Variants in BRINP2 observed in about 807,000 individuals in gnomAD.
The protein encoded by BRINP2 is BMP/retinoic acid inducible neural specific 2, also known as BMP/retinoic acid-inducible neural-specific protein 2.
A neutral mutation model predicts 69.2 loss-of-function variants in BRINP2; 21 were observed. The ratio of observed to expected loss-of-function variants is 0.30; its 90% CI spans 0.22 to 0.44. BRINP2 has a LOEUF of 0.44. BRINP2 is among the 20% of genes least tolerant of loss of function. The pLI is 1.00. For missense variants in BRINP2, 877 were observed against 986.0 expected, an observed-to-expected ratio of 0.89 and a Z score of 1.48; for synonymous variants, 380 against 394.1, an observed-to-expected ratio of 0.96 and a Z score of 0.42.
chr1:177,181,197 C>T (rs758708677), intron 1 of BRINP2, among the ~76,000 whole-genome samples: 4 of 152,230 alleles, frequency 2.6e-5, no homozygotes, highest in Non-Finnish European at 4.4e-5. Context: ...AGAATTTTGC[C>T]ATTAACTCCT....
chr1:177,270,374 C>T (rs187854463), intron 4 of BRINP2, among the ~76,000 whole-genome samples: 81 of 152,268 alleles, frequency 5.3e-4, no homozygotes, highest in African/African-American at 1.9e-3. Flanking sequence ...AGTGAAGTTA[C>T]TCACACCCTT....
At chr1:177,215,449 A>G (rs1649348112) in intron 1 of BRINP2, among the ~76,000 whole-genome samples, 1 of 152,184 alleles carries the variant, frequency 6.6e-6, no homozygotes, top group African/African-American at 2.4e-5. Flanking sequence ...ATTTTTTTAT[A>G]GCCATTGTAA....
intron 1 of BRINP2, among the ~76,000 whole-genome samples, chr1:177,187,424 A>G (rs1285457868): frequency 6.6e-6 from 1 of 152,158 alleles, no homozygotes; most frequent in Non-Finnish European, 1.5e-5. Flanking sequence ...AGAAGAGCAC[A>G]AGTTTTTTTC....
At chr1:177,174,830 G>C (rs1413308325) in intron 1 of BRINP2, among the ~76,000 whole-genome samples, 1 of 152,118 alleles carries the variant, frequency 6.6e-6, no homozygotes, top group Non-Finnish European at 1.5e-5. Context: ...ACCTAGGCAG[G>C]GGGCTCTGTA....
intron 1 of BRINP2, among the ~76,000 whole-genome samples, chr1:177,229,037 T>C (rs1399681283): frequency 1.3e-5 from 2 of 152,172 alleles, no homozygotes; most frequent in Non-Finnish European, 2.9e-5. Context: ...CTCGTGGTGC[T>C]CTCAAGCTGC....
intron 1 of BRINP2, among the ~76,000 whole-genome samples, chr1:177,174,769 C>A (rs1038525143): frequency 1.3e-5 from 2 of 152,200 alleles, no homozygotes; most frequent in Admixed American, 1.3e-4. Context: ...ATACCATACA[C>A]CTGGTTAAAT....
At chr1:177,175,850 T>C (rs866601036) in intron 1 of BRINP2, among the ~76,000 whole-genome samples, 56 of 152,330 alleles carry the variant, frequency 3.7e-4, no homozygotes, top group African/African-American at 1.2e-3. Context: ...ATGACTCCTT[T>C]TCTCTTTACT....
At chr1:177,247,712 A>C (rs1317783450) in intron 2 of BRINP2, among the ~76,000 whole-genome samples, 1 of 152,064 alleles carries the variant, frequency 6.6e-6, no homozygotes, top group Non-Finnish European at 1.5e-5. Flanking sequence ...CTGACAGCCC[A>C]CTCCTTCTGT....
At chr1:177,265,565 G>A (rs972454242) in intron 4 of BRINP2, among the ~76,000 whole-genome samples, 1 of 152,052 alleles carries the variant, frequency 6.6e-6, no homozygotes, top group Non-Finnish European at 1.5e-5. Flanking sequence ...ATATCATATT[G>A]TATCATATTG....
chr1:177,276,527 C>A, intron 6 of BRINP2, 93 bp downstream of exon 6: 1 of 1,163,632 alleles, frequency 8.6e-7, no homozygotes, highest in Non-Finnish European at 1.3e-6. Flanking sequence ...GTTGAGGATC[C>A]TCATGGGGAT....
Position 177,264,867 on chromosome 1 carries a change from T to C in BRINP2, c.669+7483T>C, listed in dbSNP as rs200342740. Among the ~76,000 whole-genome samples the C allele has an allele frequency of 1.3e-4, 20 of 152,270 alleles. No individual in the cohort carries two copies. In the East Asian group the frequency reaches 3.9e-3, roughly 29 times the overall value. On this transcript the variant is annotated intron_variant, in intron 4 of 7. Coordinates refer to ENST00000361539, the MANE Select transcript of BRINP2 (RefSeq NM_021165.4). The stretch of plus-strand genomic sequence containing the variant: ...ATAGGAAGAATCAATATCATGAAAA[T>C]GGTCATACTGCCCAAAGTAATTTAT...
intron 1 of BRINP2, among the ~76,000 whole-genome samples, chr1:177,211,736 C>T (rs1459649718): frequency 6.6e-6 from 1 of 152,146 alleles, no homozygotes; most frequent in Non-Finnish European, 1.5e-5. Flanking sequence ...TAACTGACCA[C>T]TTGAGTAAGA....
At chr1:177,195,006 T>C (rs879330734) in intron 1 of BRINP2, among the ~76,000 whole-genome samples, 35 of 152,138 alleles carry the variant, frequency 2.3e-4, no homozygotes, top group Admixed American at 8.5e-4. Flanking sequence ...GATCATCTAT[T>C]GTATGGCCAG....
At position 177,263,131 on chromosome 1, in the gene BRINP2, GC is replaced by G. The variant is rs1651010481; in HGVS notation, c.669+5748del. ...GGAATGAAAAGAAGCCTTTGAGGAT[GC>G]TAGAAAGTGAAAAGTTGGTCAGGTA... is the stretch of plus-strand genomic sequence containing the variant. On this transcript the variant is annotated intron_variant, in intron 4 of 7. Coordinates refer to ENST00000361539, the MANE Select transcript of BRINP2 (RefSeq NM_021165.4). 2.0e-5 allele frequency among the ~76,000 whole-genome samples: 3 copies of G among 152,328 alleles called. No individual in the cohort carries two copies. The South Asian group carries it at 6.2e-4, about 32-fold the overall frequency.
At chr1:177,245,669 G>A (rs1650355247) in intron 2 of BRINP2, among the ~76,000 whole-genome samples, 1 of 152,178 alleles carries the variant, frequency 6.6e-6, no homozygotes, top group South Asian at 2.1e-4. Context: ...CTGACAGTTT[G>A]TGCCTGGGAA....
intron 2 of BRINP2, among the ~76,000 whole-genome samples, chr1:177,250,931 A>G (rs1266317590): frequency 6.6e-6 from 1 of 152,264 alleles, no homozygotes; most frequent in Non-Finnish European, 1.5e-5. Context: ...GAAGATAATT[A>G]TATTTTCCCC....
At chr1:177,214,877 C>T (rs1000295368) in intron 1 of BRINP2, among the ~76,000 whole-genome samples, 4 of 152,138 alleles carry the variant, frequency 2.6e-5, no homozygotes, top group Non-Finnish European at 2.9e-5. Flanking sequence ...ATTAACCTGT[C>T]CATAACCTCA....
chr1:177,177,134 A>C lies in BRINP2; in HGVS notation c.-77+5402A>C, dbSNP rs1174652705. On this transcript the variant is annotated intron_variant, in intron 1 of 7. Transcript: ENST00000361539. ...TTAAAGATTATTTTGTGAAATAATT[A>C]GCTGGGCGTGGTGGTGCAAGTCTGT... Among the ~76,000 whole-genome samples the C allele has an allele frequency of 8.5e-5, 13 of 152,282 alleles. No individual in the cohort carries two copies. The East Asian group carries it at 1.9e-3, about 23-fold the overall frequency.
At position 177,280,580 on chromosome 1, in the gene BRINP2, C is replaced by G. The variant is rs770066208; in HGVS notation, c.1404C>G (p.His468Gln). ...CALGEGPACA[H>Q]CAPDNSTRCG... ...TGGGCGAAGGGCCCGCGTGTGCCCA[C>G]TGTGCTCCAGACAATAGCACACGCT... Residue 468 changes from histidine (H) to glutamine (Q), a missense_variant, in exon 8 of 8, where the codon CAC (histidine) becomes CAG (glutamine). His to Gln is a conservative substitution (Grantham distance 24, BLOSUM62 0). This residue lies in a region of BRINP2 where 566 missense variants were observed against 625.2 expected (regional missense o/e 0.91). Coordinates refer to ENST00000361539, the MANE Select transcript of BRINP2 (RefSeq NM_021165.4). 25 of 1,614,164 alleles carry G rather than the reference C, an allele frequency of 1.5e-5. No homozygotes were observed. The highest frequency in any genetic ancestry group is 1.9e-5 in the Non-Finnish European group (23 of 1,180,016).
Sources: gnomAD v4.1 joint callset for allele counts (sites outside exome capture counted in the v4.1 genomes callset) on GRCh38, gnomAD v4.1.1 for gene constraint, gnomAD v4.1.1 regional missense constraint, MANE v1.5 for transcripts, NCBI Gene and HGNC (gene_info 2026-07-23, HGNC 2026-07-21) for gene names.